Variants in MACF1 observed in about 807,000 individuals in gnomAD.
MACF1 encodes the protein microtubule actin crosslinking factor 1.
A neutral mutation model predicts 854.8 loss-of-function variants in MACF1; 193 were observed. The observed-to-expected ratio is 0.23, with a 90% CI of 0.20 to 0.25. The LOEUF is 0.25. MACF1 is among the 10% of genes least tolerant of loss of function. The pLI is 1.00. For synonymous variants in MACF1, 3,185 were observed against 3,226.7 expected (o/e 0.99, Z 0.44); for missense variants, 7,722 against 8,929.1 (o/e 0.86, Z 5.45).
rs1026635782 is a variant in MACF1 at position 39,331,251 on chromosome 1, T to G, written c.4663T>G (p.Phe1555Val). Reference sequence around the variant, plus strand: ...GATTGACCTAGGCACAGTGGAGATATTTCCCATCTTCAAAGCCATGCAAAA... The same window carrying G: ...GATTGACCTAGGCACAGTGGAGATAGTTCCCATCTTCAAAGCCATGCAAAA... ...GVIDLGTVEI[F>V]PIFKAMQKGL... The change falls in exon 37 of 101, where the codon TTT becomes GTT. Residue 1555 changes from phenylalanine (F) to valine (V), a missense_variant. By Grantham distance (50) the Phe-to-Val change is conservative. Around this residue, in one of 15 missense-constraint regions of MACF1, gnomAD observed 1,531 missense variants for 1,601.6 expected, o/e 0.96. Coordinates refer to ENST00000564288, the MANE Select transcript of MACF1 (RefSeq NM_001394062.1). 5 of 1,610,856 alleles carry G rather than the reference T, an allele frequency of 3.1e-6. No homozygotes were observed. Among genetic ancestry groups the G allele is most frequent in the Non-Finnish European group, 4.2e-6 (5 of 1,179,508 alleles).
upstream of MACF1, among the ~76,000 whole-genome samples, chr1:39,203,032 A>G (rs1044939925): frequency 1.3e-5 from 2 of 152,180 alleles, no homozygotes; most frequent in Non-Finnish European, 2.9e-5. Flanking sequence ...CAAGCTCTAG[A>G]AAAAAGCAAA....
At position 39,458,414 on chromosome 1, in the gene MACF1, G is replaced by A. The variant is rs200147555; in HGVS notation, c.21120G>A (p.Arg7040=). The A allele has an allele frequency of 4.3e-6, 7 of 1,613,950 alleles. No homozygotes were observed. The East Asian group carries it at 8.9e-5, about 21-fold the overall frequency. ...CTCGCAAACAGCCTGACGTGGACCG[G>A]GTCACCAAGACATACAAAAGGAAAA... ...EMTRKQPDVD[R]VTKTYKRKNI... Residue 7040 remains arginine (R), a synonymous_variant, in exon 90 of 101, where the codon CGG becomes CGA. Transcript: ENST00000564288.
intron 80 of MACF1, 67 bp from the exon 81 acceptor site, chr1:39,447,365 C>A: frequency 1.3e-6 from 2 of 1,495,616 alleles, no homozygotes; most frequent in Non-Finnish European, 9.2e-7. Flanking sequence ...GCCTTTGTCG[C>A]TGAGCCTATA....
intron 19 of MACF1, 109 bp from the exon 20 acceptor site, chr1:39,295,678 C>G: frequency 2.7e-6 from 2 of 732,248 alleles, no homozygotes; most frequent in Admixed American, 2.9e-5. Flanking sequence ...CACATCTTTT[C>G]TGTTGGCTTC....
intron 4 of MACF1, 26 bp downstream of exon 4, chr1:39,251,967 T>A (rs1326623703): frequency 1.4e-6 from 2 of 1,449,046 alleles, no homozygotes; most frequent in Non-Finnish European, 1.8e-6. Flanking sequence ...GATGCCAGCA[T>A]CCCAGCTGGC....
At chr1:39,462,130 A>T (rs1292206560) in intron 93 of MACF1, 93 bp downstream of exon 93, 1 of 1,223,292 alleles carries the variant, frequency 8.2e-7, no homozygotes, top group Non-Finnish European at 1.2e-6. Flanking sequence ...TTAGCCTTTG[A>T]CTTGTCTGTT....
rs1220998462 is a variant in MACF1 at position 39,411,811 on chromosome 1, G to T, written c.15817-10563G>T. ...TAGTCATTTTTCAGGGGCTGCCTTA[G>T]AAAAGGAACAGCATTTAGGCCTTTT... On this transcript the variant is annotated intron_variant, in intron 58 of 100. Transcript: ENST00000564288. 4 of 1,613,884 alleles carry T rather than the reference G, an allele frequency of 2.5e-6. No individual in the cohort carries two copies. The Middle Eastern group carries it at 4.9e-4, about 200-fold the overall frequency.
chr1:39,421,890 C>T lies in MACF1; in HGVS notation c.15817-484C>T, dbSNP rs567199973. 4.9e-3 allele frequency among the ~76,000 whole-genome samples: 743 copies of T among 152,096 alleles called. 4 individuals are homozygous for T. The highest frequency in any genetic ancestry group is 8.7e-3 in the Non-Finnish European group (593 of 67,988). On this transcript the variant is annotated intron_variant, in intron 58 of 100. Transcript: ENST00000564288. ...GAGATCGAGACCATCCTGGCTAACA[C>T]GGTGAAACCCTGTCTCCACTAAAAA...
At chr1:39,315,297 T>C (rs975433966) in intron 26 of MACF1, among the ~76,000 whole-genome samples, 2 of 152,236 alleles carry the variant, frequency 1.3e-5, no homozygotes, top group Non-Finnish European at 2.9e-5. Flanking sequence ...TGCTTAAAAA[T>C]ATATCCTAAA....
In MACF1 at chr1:39,448,227, C is replaced by G. The variant is rs2148674240; in HGVS notation, c.20088+75C>G. The G allele has an allele frequency of 4.0e-6, 6 of 1,499,434 alleles. No individual in the cohort carries two copies. The East Asian group carries it at 1.1e-4, about 28-fold the overall frequency. 92.9% of individuals were successfully genotyped at this position (1,499,434 alleles called of 1,614,324 possible). ...CTTGTATCTTGCCAAAAATAAAAAT[C>G]AGAGCTAGTAAAAAGAAAACCAATT... On this transcript the variant is annotated intron_variant, in intron 83 of 100. Transcript: ENST00000564288.
chr1:39,315,475 TTC>T, intron 26 of MACF1, 36 bp from the exon 27 acceptor site: 1 of 1,604,246 alleles, frequency 6.2e-7, no homozygotes, highest in Non-Finnish European at 8.5e-7. Flanking sequence ...TTTTGTTCAA[TTC>T]TGTCTCCCTC....
intron 6 of MACF1, among the ~76,000 whole-genome samples, chr1:39,281,969 C>T (rs764528265): frequency 2.6e-5 from 4 of 152,050 alleles, no homozygotes; most frequent in South Asian, 2.1e-4. Context: ...TCTCTCCAAT[C>T]GTGAATAATA....
chr1:39,122,048 C>CT (rs1275440457), intron 2 of MACF1, among the ~76,000 whole-genome samples: 1 of 152,032 alleles, frequency 6.6e-6, no homozygotes, highest in Non-Finnish European at 1.5e-5. Flanking sequence ...AATTGTTTAC[C>CT]TTAAGACAGC....
intron 2 of MACF1, among the ~76,000 whole-genome samples, chr1:39,146,940 T>C (rs900574260): frequency 2.0e-5 from 3 of 152,150 alleles, no homozygotes; most frequent in Admixed American, 2.0e-4. Flanking sequence ...TGTATGAAAA[T>C]ATCTCATGTA....
chr1:39,374,760 CCAGAAATCTCATATAGAA>C (rs928159399), intron 52 of MACF1, among the ~76,000 whole-genome samples: 6 of 151,922 alleles, frequency 3.9e-5, no homozygotes, highest in African/African-American at 1.5e-4. Flanking sequence ...TAAAAAAAAA[CCAGAAATCTCATATAGAA>C]CAGAAATCTC....
chr1:39,140,785 C>A (rs1200002377), intron 2 of MACF1, among the ~76,000 whole-genome samples: 2 of 151,780 alleles, frequency 1.3e-5, no homozygotes, highest in African/African-American at 4.8e-5. Flanking sequence ...CTTGGTGGCA[C>A]ACGTCTGTAA....
In MACF1 at chr1:39,105,574, C is replaced by T. The variant is rs1642208283; in HGVS notation, c.220+21136C>T. ...GGCCGCCGCCGCCTCAGCGCGCGGG[C>T]CTGGAACCGGCAGCCCCCGGGGCTC... On this transcript the variant is annotated intron_variant, in intron 2 of 93. Coordinates refer to the MACF1 transcript ENST00000361689. This position sits in a 1 kb window ranked among gnomAD's most constrained non-coding sequence, Gnocchi z 5.9. 3 of 1,175,572 alleles carry T rather than the reference C, an allele frequency of 2.6e-6. No individual in the cohort carries two copies. The highest frequency in any genetic ancestry group is 1.7e-5 in the African/African-American group (1 of 60,336). 72.8% of individuals were successfully genotyped at this position (1,175,572 alleles called of 1,614,324 possible).
Position 39,333,800 on chromosome 1 carries a change from G to A in MACF1, c.7212G>A (p.Arg2404=). ...AAACAGCCACCAGAATTTTAGAGAG[G>A]CAGGTGGTGACTGGTGGAATTATTG... ...DKETATRILE[R]QVVTGGIIDL... is the part of the protein sequence containing the mutation. The change falls in exon 37 of 101, where the codon AGG becomes AGA. Residue 2404 remains arginine, a synonymous_variant. Coordinates refer to ENST00000564288, the MANE Select transcript of MACF1 (RefSeq NM_001394062.1). 13 of 1,614,194 alleles carry A rather than the reference G, an allele frequency of 8.1e-6. No individual in the cohort carries two copies. Among genetic ancestry groups the A allele is most frequent in the Non-Finnish European group, 1.1e-5 (13 of 1,180,026 alleles).
intron 2 of MACF1, among the ~76,000 whole-genome samples, chr1:39,149,330 G>A (rs1301897375): frequency 1.3e-5 from 2 of 151,978 alleles, no homozygotes; most frequent in East Asian, 1.9e-4. Context: ...TCAGGGGTTC[G>A]AGACCAGTAT....
Sources: gnomAD v4.1 joint callset for allele counts (sites outside exome capture counted in the v4.1 genomes callset) on GRCh38, gnomAD v4.1.1 for gene constraint, gnomAD v4.1.1 regional missense constraint, Gnocchi (gnomAD v3.1) non-coding constraint, MANE v1.5 for transcripts, NCBI Gene and HGNC (gene_info 2026-07-23, HGNC 2026-07-21) for gene names.